ARMH3: variants seen among roughly 807,000 people sequenced by gnomAD.
ARMH3 encodes armadillo like helical domain containing 3, also known as armadillo-like helical domain-containing protein 3.
Under a neutral mutation model 99.1 loss-of-function variants are expected in ARMH3, and 60 were observed. The observed-to-expected ratio is 0.61, with a 90% CI of 0.49 to 0.75. The LOEUF (loss-of-function observed/expected upper bound fraction) is 0.75, where lower values mean the gene tolerates loss of function less well. Among genes scored for constraint, ARMH3 ranks in the 30% least tolerant of loss-of-function variants. The probability of loss-of-function intolerance (pLI) is 0.00; values close to 1 mark genes in which losing one functional copy is unlikely to be tolerated. For missense variants in ARMH3, 679 were observed against 843.1 expected, an observed-to-expected ratio of 0.81 and a Z score of 2.41; for synonymous variants, 285 against 292.8, an observed-to-expected ratio of 0.97 and a Z score of 0.27.
intron 23 of ARMH3, among the ~76,000 whole-genome samples, chr10:101,916,247 C>T (rs1056019722): frequency 1.7e-4 from 26 of 152,102 alleles, no homozygotes; most frequent in African/African-American, 6.3e-4. Flanking sequence ...TGTCTGATGG[C>T]TATCAATGAG....
chr10:101,985,096 C>CACACAT (rs1394270300), intron 19 of ARMH3, among the ~76,000 whole-genome samples: 9 of 130,298 alleles, frequency 6.9e-5, no homozygotes, highest in Non-Finnish European at 1.1e-4. Flanking sequence ...CACACACACA[C>CACACAT]ACACACACAC....
intron 20 of ARMH3, among the ~76,000 whole-genome samples, chr10:101,963,725 G>A (rs967106390): frequency 3.9e-5 from 6 of 151,912 alleles, no homozygotes; most frequent in South Asian, 2.1e-4. Context: ...TCAGCCTCCC[G>A]AGTAGCTGGG....
At chr10:101,910,587 A>G (rs6584462) in intron 23 of ARMH3, among the ~76,000 whole-genome samples, 40,570 of 151,922 alleles carry the variant, frequency 0.27, 5,707 homozygotes, top group East Asian at 0.52. Flanking sequence ...AAAATTAGCC[A>G]GCCATGGTGG....
intron 16 of ARMH3, 78 bp from the exon 17 acceptor site, chr10:101,993,681 C>A: frequency 2.0e-6 from 2 of 1,011,232 alleles, no homozygotes; most frequent in South Asian, 1.6e-5. Flanking sequence ...TCGTACAAAT[C>A]CTTGGACTTT....
Position 101,957,015 on chromosome 10 carries a change from G to C in ARMH3, c.1579-292C>G, listed in dbSNP as rs115447769. On this transcript the variant is annotated intron_variant, in intron 21 of 25. Transcript: ENST00000370033. ...CTGGAGATTTATAACTATTATATCT[G>C]TGTGGTGCAAACATCATATAATGGT... is the stretch of plus-strand genomic sequence containing the variant. Among the ~76,000 whole-genome samples, 1,430 of 152,186 alleles carry C rather than the reference G, an allele frequency of 9.4e-3. 18 individuals are homozygous for C. Among genetic ancestry groups the C allele is most frequent in the African/African-American group, 0.033 (1,357 of 41,528 alleles).
chr10:101,852,551 T>C (rs2066627755), intron 24 of ARMH3, among the ~76,000 whole-genome samples: 2 of 151,770 alleles, frequency 1.3e-5, no homozygotes. Flanking sequence ...AAGTCAGGAG[T>C]TCGAGACCAG....
intron 22 of ARMH3, among the ~76,000 whole-genome samples, chr10:101,953,441 A>G (rs1365314568): frequency 1.3e-5 from 2 of 151,322 alleles, no homozygotes; most frequent in Admixed American, 6.6e-5. Context: ...TTGTATTTTT[A>G]GTAGAGACAG....
intron 24 of ARMH3, among the ~76,000 whole-genome samples, chr10:101,860,005 T>C (rs1254723878): frequency 1.3e-5 from 2 of 152,096 alleles, no homozygotes; most frequent in Admixed American, 1.3e-4. Context: ...TGTTGAGAGA[T>C]ATGAAGGTTG....
intron 14 of ARMH3, 109 bp from the exon 15 acceptor site, chr10:102,002,181 T>C: frequency 6.6e-7 from 1 of 1,508,428 alleles, no homozygotes; most frequent in Middle Eastern, 1.8e-4. Flanking sequence ...ATAAGCTTTT[T>C]CCACAACAGA....
At chr10:101,889,344 C>CA (rs2067629680) in intron 24 of ARMH3, 68 bp downstream of exon 24, 2 of 1,416,832 alleles carry the variant, frequency 1.4e-6, no homozygotes. Context: ...ATCCCCCTGC[C>CA]ATCAGAGAGA....
intron 23 of ARMH3, among the ~76,000 whole-genome samples, chr10:101,922,411 A>G (rs1295859624): frequency 1.3e-5 from 2 of 152,104 alleles, no homozygotes; most frequent in African/African-American, 4.8e-5. Context: ...ATACCCAGCT[A>G]ATTTTTTAAA....
chr10:101,939,463 A>G (rs1450498840), intron 23 of ARMH3, among the ~76,000 whole-genome samples: 1 of 152,226 alleles, frequency 6.6e-6, no homozygotes, highest in Non-Finnish European at 1.5e-5. Flanking sequence ...TCTGTTTACC[A>G]TAAATAGAAA....
At position 101,911,663 on chromosome 10, in the gene ARMH3, C is replaced by T. The variant is rs575520847; in HGVS notation, c.1782-22173G>A. ...GAAGGATCCCTCGAGCCCAGGAGTT[C>T]GATGTTGCAGTGAACCATGATCACA... On this transcript the variant is annotated intron_variant, in intron 23 of 25. Transcript: ENST00000370033. Among the ~76,000 whole-genome samples, 11 of 152,226 alleles carry T rather than the reference C, an allele frequency of 7.2e-5. No homozygotes were observed. The East Asian group carries it at 1.4e-3, about 19-fold the overall frequency.
intron 24 of ARMH3, among the ~76,000 whole-genome samples, chr10:101,888,480 A>C (rs2067606286): frequency 6.6e-6 from 1 of 152,214 alleles, no homozygotes; most frequent in South Asian, 2.1e-4. Flanking sequence ...TATTAGGAAA[A>C]AGGCTTGCTT....
chr10:102,052,017 T>C (rs934048007), intron 1 of ARMH3, among the ~76,000 whole-genome samples: 5 of 152,140 alleles, frequency 3.3e-5, no homozygotes, highest in African/African-American at 4.8e-5. Context: ...CATCCCAGAA[T>C]GAAAATTCAT....
intron 24 of ARMH3, among the ~76,000 whole-genome samples, chr10:101,877,427 C>T (rs1157423015): frequency 6.6e-6 from 1 of 151,974 alleles, no homozygotes; most frequent in African/African-American, 2.4e-5. Context: ...TTTGGGAGGC[C>T]GAGGCAGGCA....
intron 23 of ARMH3, among the ~76,000 whole-genome samples, chr10:101,909,350 T>C: frequency 7.1e-6 from 1 of 141,720 alleles, no homozygotes; most frequent in East Asian, 2.1e-4. Flanking sequence ...GAGGTTGTAG[T>C]AAGCCGAGAT....
chr10:101,988,824 G>A (rs770963036), intron 19 of ARMH3, among the ~76,000 whole-genome samples: 12 of 150,354 alleles, frequency 8.0e-5, no homozygotes, highest in Non-Finnish European at 1.8e-4. Flanking sequence ...TCGGGAAGCT[G>A]AGGCAGGTGA....
intron 20 of ARMH3, among the ~76,000 whole-genome samples, chr10:101,974,742 G>C (rs772366854): frequency 6.6e-6 from 1 of 152,000 alleles, no homozygotes; most frequent in African/African-American, 2.4e-5. Context: ...GTAACACAAA[G>C]AACAGGATTC....
Sources: allele counts gnomAD v4.1 joint callset (sites outside exome capture counted in the v4.1 genomes callset), GRCh38; gene constraint gnomAD v4.1.1; transcripts MANE v1.5; gene names NCBI Gene and HGNC (gene_info 2026-07-23, HGNC 2026-07-21).